The following SLCO1B3 variants were observed in gnomAD, a reference collection of about 807,000 sequenced individuals.
SLCO1B3 encodes the protein liver-specific organic anion transporter 2.
In SLCO1B3, 72 loss-of-function variants were observed where a neutral mutation model predicts 71.8. The ratio of observed to expected loss-of-function variants is 1.00; its 90% CI spans 0.83 to 1.22. SLCO1B3 has a LOEUF of 1.22. Ranked by LOEUF, SLCO1B3 falls within the 50% of genes most tolerant of loss-of-function variation. The pLI is 0.00. For missense variants in SLCO1B3, 911 were observed against 819.7 expected, an observed-to-expected ratio of 1.11 and a Z score of -1.36; for synonymous variants, 298 against 278.4, an observed-to-expected ratio of 1.07 and a Z score of -0.70.
intron 3 of SLCO1B3, among the ~76,000 whole-genome samples, chr12:20,823,072 GA>G (rs1485747780): frequency 6.6e-6 from 1 of 151,836 alleles, no homozygotes; most frequent in African/African-American, 2.4e-5. Flanking sequence ...GTCCTGCAAA[GA>G]AAAAAATAGG....
intron 13 of SLCO1B3, among the ~76,000 whole-genome samples, chr12:20,897,961 C>T (rs1261464334): frequency 1.3e-5 from 2 of 152,094 alleles, no homozygotes; most frequent in Admixed American, 6.6e-5. Flanking sequence ...TTTGACCCTT[C>T]TGGTTGTATA....
At chr12:20,867,936 G>T (rs1252159447) in intron 8 of SLCO1B3, among the ~76,000 whole-genome samples, 2 of 152,028 alleles carry the variant, frequency 1.3e-5, no homozygotes, top group Non-Finnish European at 2.9e-5. Context: ...CCTAGAGAAA[G>T]CAAGAACAGT....
chr12:20,880,011 T>C (rs923097385), intron 11 of SLCO1B3, among the ~76,000 whole-genome samples: 5 of 151,984 alleles, frequency 3.3e-5, no homozygotes, highest in Non-Finnish European at 7.4e-5. Context: ...TTAAATAAAA[T>C]TATTCATAAT....
intron 15 of SLCO1B3, among the ~76,000 whole-genome samples, chr12:20,908,895 G>A (rs1340620716): frequency 6.6e-6 from 1 of 152,136 alleles, no homozygotes; most frequent in African/African-American, 2.4e-5. Context: ...ACTTCTTTGT[G>A]TCAACACCAA....
intron 13 of SLCO1B3, among the ~76,000 whole-genome samples, chr12:20,891,273 A>G (rs1030115940): frequency 2.6e-5 from 4 of 151,712 alleles, no homozygotes; most frequent in Admixed American, 2.0e-4. Flanking sequence ...TTCTTGAATT[A>G]TAAGTCTTAG....
chr12:20,820,155 T>A (rs1455595319), intron 3 of SLCO1B3, among the ~76,000 whole-genome samples: 1 of 151,328 alleles, frequency 6.6e-6, no homozygotes, highest in Middle Eastern at 3.4e-3. Flanking sequence ...TAATGTGGAG[T>A]GGGTAGCCTC....
At chr12:20,814,828 C>T (rs904681075) in intron 2 of SLCO1B3, among the ~76,000 whole-genome samples, 1 of 151,374 alleles carries the variant, frequency 6.6e-6, no homozygotes, top group Non-Finnish European at 1.5e-5. Context: ...ACCTGGGAGG[C>T]AGAGCTTACA....
intron 5 of SLCO1B3, among the ~76,000 whole-genome samples, chr12:20,859,490 T>TCCAC (rs1865210219): frequency 2.8e-5 from 4 of 140,456 alleles, no homozygotes; most frequent in South Asian, 2.4e-4. Context: ...TCTGTTTTTT[T>TCCAC]CCCCCTCTAC....
chr12:20,878,489 G>T (rs933859362), intron 10 of SLCO1B3, among the ~76,000 whole-genome samples: 1 of 152,024 alleles, frequency 6.6e-6, no homozygotes, highest in Non-Finnish European at 1.5e-5. Flanking sequence ...TTAAGGAAAG[G>T]TTATCTTATA....
chr12:20,869,997 T>G (rs1309941842), intron 8 of SLCO1B3, among the ~76,000 whole-genome samples: 1 of 152,160 alleles, frequency 6.6e-6, no homozygotes, highest in East Asian at 1.9e-4. Flanking sequence ...CCAACACTTT[T>G]CTCATTCTTT....
At chr12:20,888,752 T>C (rs1028331874) in intron 13 of SLCO1B3, among the ~76,000 whole-genome samples, 17 of 152,106 alleles carry the variant, frequency 1.1e-4, no homozygotes, top group African/African-American at 3.6e-4. Flanking sequence ...AAAGTGGGCA[T>C]CCTCATCTTG....
intron 8 of SLCO1B3, among the ~76,000 whole-genome samples, chr12:20,864,137 C>G (rs796915491): frequency 1.6e-4 from 24 of 152,182 alleles, no homozygotes; most frequent in African/African-American, 5.3e-4. Context: ...ACTTTTCTCT[C>G]TTTTTTATTT....
intron 4 of SLCO1B3, among the ~76,000 whole-genome samples, chr12:20,858,187 A>T (rs1865179012): frequency 6.6e-6 from 1 of 152,130 alleles, no homozygotes. Flanking sequence ...TTCAAAAAAA[A>T]ACTTTGCTTC....
intron 3 of SLCO1B3, chr12:20,845,178 AAG>A: frequency 2.7e-6 from 1 of 374,432 alleles, no homozygotes; most frequent in Non-Finnish European, 5.4e-6. Context: ...CCCTATGTAC[AAG>A]GTAGCCACAT....
intron 8 of SLCO1B3, among the ~76,000 whole-genome samples, chr12:20,864,591 T>C (rs1335085044): frequency 6.6e-6 from 1 of 152,194 alleles, no homozygotes; most frequent in Non-Finnish European, 1.5e-5. Context: ...ACATCATTTT[T>C]ACTCATTTGC....
chr12:20,880,796 T>A, intron 11 of SLCO1B3, 59 bp from the exon 12 acceptor site: 1 of 1,233,188 alleles, frequency 8.1e-7, no homozygotes, highest in Non-Finnish European at 1.1e-6. Context: ...CTCCCTCTTC[T>A]GCTCTTTCTC....
At chr12:20,823,459 G>A (rs1028494243) in intron 3 of SLCO1B3, among the ~76,000 whole-genome samples, 2 of 151,986 alleles carry the variant, frequency 1.3e-5, no homozygotes, top group Non-Finnish European at 2.9e-5. Context: ...TCAAACAACA[G>A]GTACTATAAT....
chr12:20,833,652 CTG>C (rs1319105492), intron 3 of SLCO1B3, among the ~76,000 whole-genome samples: 9 of 115,266 alleles, frequency 7.8e-5, no homozygotes, highest in Admixed American at 1.0e-4. Context: ...TACACACAAA[CTG>C]TGTGTGTGCA....
intron 3 of SLCO1B3, among the ~76,000 whole-genome samples, chr12:20,817,632 G>C (rs567350562): frequency 1.3e-5 from 2 of 152,162 alleles, no homozygotes; most frequent in East Asian, 3.9e-4. Context: ...CTGTCACCCA[G>C]GCTGGAGTGC....
Sources: allele counts gnomAD v4.1 joint callset (sites outside exome capture counted in the v4.1 genomes callset), GRCh38; gene constraint gnomAD v4.1.1; transcripts MANE v1.5; gene names NCBI Gene and HGNC (gene_info 2026-07-23, HGNC 2026-07-21).